The following SORCS2 variants were observed in gnomAD, a reference collection of about 807,000 sequenced individuals.
SORCS2 encodes the protein sortilin related VPS10 domain containing receptor 2.
A neutral mutation model predicts 141.6 loss-of-function variants in SORCS2; 100 were observed. The observed-to-expected ratio is 0.71, with a 90% CI of 0.60 to 0.83. SORCS2 has a LOEUF of 0.83. Ranked by LOEUF, SORCS2 falls within the 40% of genes least tolerant of loss-of-function variation. The pLI, the probability that SORCS2 is intolerant of heterozygous loss-of-function variation, is 0.00. For missense variants in SORCS2, 1,646 were observed against 1,560.2 expected, an observed-to-expected ratio of 1.05 and a Z score of -0.93; for synonymous variants, 789 against 676.9, an observed-to-expected ratio of 1.17 and a Z score of -2.57.
At chr4:7,623,600 T>A (rs1442611122) in intron 3 of SORCS2, among the ~76,000 whole-genome samples, 2 of 152,070 alleles carry the variant, frequency 1.3e-5, no homozygotes, top group Non-Finnish European at 2.9e-5. Context: ...TTCCACCTTT[T>A]CACATCTCCT....
chr4:7,298,225 A>G (rs1717207664), intron 1 of SORCS2, among the ~76,000 whole-genome samples: 1 of 152,184 alleles, frequency 6.6e-6, no homozygotes, highest in South Asian at 2.1e-4. Flanking sequence ...GAGAAGAGAA[A>G]GGGGCAGTTT....
At chr4:7,434,837 TG>T (rs748158871) in intron 2 of SORCS2, 2 of 1,593,464 alleles carry the variant, frequency 1.3e-6, no homozygotes. Context: ...CTGGCCCTGG[TG>T]GCCCCCAGGA....
chr4:7,594,837 G>A (rs1717151916), intron 3 of SORCS2, among the ~76,000 whole-genome samples: 1 of 152,152 alleles, frequency 6.6e-6, no homozygotes, highest in African/African-American at 2.4e-5. Flanking sequence ...TTCCTCATCT[G>A]TAAACCAGCA....
chr4:7,630,257 A>G (rs1212820183), intron 3 of SORCS2, among the ~76,000 whole-genome samples: 2 of 152,160 alleles, frequency 1.3e-5, no homozygotes, highest in Admixed American at 1.3e-4. Context: ...AGTGAGTGAA[A>G]AAAGCTTGAA....
At chr4:7,269,098 G>C (rs775407638) in intron 1 of SORCS2, among the ~76,000 whole-genome samples, 3 of 152,180 alleles carry the variant, frequency 2.0e-5, no homozygotes, top group Non-Finnish European at 4.4e-5. Flanking sequence ...TTCAGCATCA[G>C]CGTTGCAGGG....
At chr4:7,678,926 G>C (rs1723334458) in intron 9 of SORCS2, among the ~76,000 whole-genome samples, 1 of 152,176 alleles carries the variant, frequency 6.6e-6, no homozygotes. Context: ...TTCCTCACAG[G>C]GTTGCTGTGA....
chr4:7,349,023 C>A (rs964030606), intron 1 of SORCS2, among the ~76,000 whole-genome samples: 2 of 152,208 alleles, frequency 1.3e-5, no homozygotes, highest in African/African-American at 4.8e-5. Context: ...GGCTTCCATA[C>A]ACTTATTTGA....
intron 11 of SORCS2, among the ~76,000 whole-genome samples, chr4:7,691,935 A>C (rs916284904): frequency 2.8e-4 from 42 of 151,874 alleles, no homozygotes; most frequent in African/African-American, 9.7e-4. Flanking sequence ...CAAAGCACCG[A>C]GAGCAGCCCC....
In SORCS2 at chr4:7,262,491, A is replaced by C. The variant is rs112021022; in HGVS notation, c.480+69365A>C. On this transcript the variant is annotated intron_variant, in intron 1 of 26. Coordinates refer to ENST00000507866, the MANE Select transcript of SORCS2 (RefSeq NM_020777.3). ...GGGATAGTGTGGTAACAAGACAGAC[A>C]TAGGCCCCTGTCCTCTCAGAGCTTC... 1.1e-3 allele frequency among the ~76,000 whole-genome samples: 173 copies of C among 152,214 alleles called. 6 individuals carry two copies. The South Asian group carries it at 0.032, about 29-fold the overall frequency.
chr4:7,657,536 A>G (rs1289689836), intron 5 of SORCS2, among the ~76,000 whole-genome samples: 1 of 152,212 alleles, frequency 6.6e-6, no homozygotes, highest in African/African-American at 2.4e-5. Flanking sequence ...TGATTGAGTG[A>G]AAGAATGAAT....
intron 23 of SORCS2, among the ~76,000 whole-genome samples, chr4:7,730,449 G>A (rs1577132003): frequency 6.6e-6 from 1 of 152,194 alleles, no homozygotes. Context: ...TACATCCACA[G>A]TACATGGATT....
chr4:7,377,672 G>T (rs559624767), intron 1 of SORCS2, among the ~76,000 whole-genome samples: 1 of 152,320 alleles, frequency 6.6e-6, no homozygotes, highest in Admixed American at 6.5e-5. Flanking sequence ...CAGGATGGCA[G>T]AATGCCCTCC....
At chr4:7,434,218 G>T (rs1727113161) in intron 2 of SORCS2, 1 of 1,613,688 alleles carries the variant, frequency 6.2e-7, no homozygotes, top group East Asian at 2.2e-5. Context: ...GCAGAGGACG[G>T]CCAGGCCAGG....
At position 7,334,336 on chromosome 4, in the gene SORCS2, C is replaced by T. The variant is rs571615208; in HGVS notation, c.481-61952C>T. ...TCCTTCCCCATCACCTGGCACCTGG[C>T]GCTCCCCTACACTCCTCCCTGTCCC... On this transcript the variant is annotated intron_variant, in intron 1 of 26. Transcript: ENST00000507866. 2.3e-4 allele frequency among the ~76,000 whole-genome samples: 35 copies of T among 152,128 alleles called. No individual in the cohort carries two copies. The East Asian group carries it at 5.0e-3, about 22-fold the overall frequency.
chr4:7,511,540 G>C (rs796438535), intron 2 of SORCS2, among the ~76,000 whole-genome samples: 5 of 152,114 alleles, frequency 3.3e-5, no homozygotes, highest in African/African-American at 1.2e-4. Flanking sequence ...GAGAGACAGA[G>C]ACAGAAGGCC....
chr4:7,439,477 C>T (rs956682869), intron 2 of SORCS2, among the ~76,000 whole-genome samples: 3 of 152,226 alleles, frequency 2.0e-5, no homozygotes, highest in Non-Finnish European at 4.4e-5. Flanking sequence ...AGATAAATTT[C>T]ACCTACAGCT....
At chr4:7,198,885 C>T (rs879677105) in intron 1 of SORCS2, among the ~76,000 whole-genome samples, 2 of 152,144 alleles carry the variant, frequency 1.3e-5, no homozygotes, top group Non-Finnish European at 2.9e-5. Context: ...CAGGCTCGCA[C>T]GGTGACCCAG....
At chr4:7,438,468 A>G (rs933009712) in intron 2 of SORCS2, among the ~76,000 whole-genome samples, 1 of 152,234 alleles carries the variant, frequency 6.6e-6, no homozygotes, top group Non-Finnish European at 1.5e-5. Flanking sequence ...GTATTCTGAA[A>G]ATATGTAACT....
intron 2 of SORCS2, among the ~76,000 whole-genome samples, chr4:7,470,280 C>G (rs529078270): frequency 6.6e-6 from 1 of 151,824 alleles, no homozygotes; most frequent in South Asian, 2.1e-4. Context: ...CTGCCATCCT[C>G]CCGTCCTCCC....
Sources: gnomAD v4.1 joint callset for allele counts (sites outside exome capture counted in the v4.1 genomes callset) on GRCh38, gnomAD v4.1.1 for gene constraint, MANE v1.5 for transcripts, NCBI Gene and HGNC (gene_info 2026-07-23, HGNC 2026-07-21) for gene names.